SLC24A4: variants seen among roughly 807,000 people sequenced by gnomAD.
SLC24A4 encodes the protein sodium/potassium/calcium exchanger 4.
Under a neutral mutation model 79.0 loss-of-function variants are expected in SLC24A4, and 53 were observed. The ratio of observed to expected loss-of-function variants is 0.67; its 90% CI spans 0.54 to 0.84. The LOEUF (loss-of-function observed/expected upper bound fraction) is 0.84, where lower values mean the gene tolerates loss of function less well. Ranked by LOEUF, SLC24A4 falls within the 40% of genes least tolerant of loss-of-function variation. The pLI is 0.00. For synonymous variants in SLC24A4, 323 were observed against 323.8 expected (o/e 1.00, Z 0.03); for missense variants, 731 against 822.0 (o/e 0.89, Z 1.35).
chr14:92,333,407 T>G (rs1398839526), intron 2 of SLC24A4, among the ~76,000 whole-genome samples: 1 of 152,146 alleles, frequency 6.6e-6, no homozygotes, highest in East Asian at 1.9e-4. Flanking sequence ...ACTTCTGAGA[T>G]TGAATGTTTT....
chr14:92,407,884 TGTGTGTGTGTG>T (rs1890484771), intron 2 of SLC24A4, among the ~76,000 whole-genome samples: 1 of 151,506 alleles, frequency 6.6e-6, no homozygotes, highest in Non-Finnish European at 1.5e-5. Context: ...TGTGTGTGTG[TGTGTGTGTGTG>T]TGTGTATTTA....
chr14:92,493,665 C>G lies in SLC24A4; in HGVS notation c.*37C>G. The G allele has an allele frequency of 6.2e-7, 1 of 1,609,970 alleles. No homozygotes were observed. The highest frequency in any genetic ancestry group is 1.1e-5 in the South Asian group (1 of 90,536). ...GGCCCCTGGGAGCTGATCTGGACAC[C>G]CTGTGACACTGGCGTTCTCCTCTCC... On this transcript the variant is annotated 3_prime_UTR_variant, in exon 17 of 17. Transcript: ENST00000532405.
At chr14:92,375,554 A>G (rs1221706251) in intron 2 of SLC24A4, among the ~76,000 whole-genome samples, 1 of 152,268 alleles carries the variant, frequency 6.6e-6, no homozygotes, top group Non-Finnish European at 1.5e-5. Flanking sequence ...AACAATGTCC[A>G]AATGTCTATC....
At chr14:92,435,348 A>G (rs1181720268) in intron 3 of SLC24A4, among the ~76,000 whole-genome samples, 1 of 152,236 alleles carries the variant, frequency 6.6e-6, no homozygotes, top group Non-Finnish European at 1.5e-5. Flanking sequence ...ATAAAGTTTT[A>G]TTGGAACACA....
Position 92,495,355 on chromosome 14 carries a change from T to A in SLC24A4, c.*1727T>A, listed in dbSNP as rs576880184. On this transcript the variant is annotated 3_prime_UTR_variant, in exon 17 of 17. Transcript: ENST00000532405. ...TTTGGGATTCACATCAGTATTAGTA[T>A]CGTAGCTACACCAAGTTCAGGCTTC... 6 of 152,314 alleles carry A rather than the reference T, an allele frequency of 3.9e-5. No individual in the cohort carries two copies. The highest frequency in any genetic ancestry group is 4.1e-4 in the South Asian group (2 of 4,828). 9.4% of individuals were successfully genotyped at this position (152,314 alleles called of 1,614,324 possible). A position where few individuals can be genotyped will look rare whatever the true frequency, so the allele number is the denominator to read the frequency against.
Position 92,499,831 on chromosome 14 carries a change from T to G in SLC24A4, c.*6203T>G, listed in dbSNP as rs1896083200. The G allele has an allele frequency of 7.2e-6, 1 of 139,670 alleles. No homozygotes were observed. Among genetic ancestry groups the G allele is most frequent in the Non-Finnish European group, 1.5e-5 (1 of 65,414 alleles). 8.7% of individuals were successfully genotyped at this position (139,670 alleles called of 1,614,324 possible). ...CCTGCACCCGGCCCAAGCAGTTGCT[T>G]CTTTTTTTCTCTTTTTTTTTTTTTT... On this transcript the variant is annotated 3_prime_UTR_variant, in exon 17 of 17. Coordinates refer to ENST00000532405, the MANE Select transcript of SLC24A4 (RefSeq NM_153646.4).
At position 92,469,740 on chromosome 14, in the gene SLC24A4, G is replaced by A. The variant is rs530849186; in HGVS notation, c.1256-12940G>A. Among the ~76,000 whole-genome samples the A allele has an allele frequency of 2.3e-3, 349 of 152,272 alleles. 2 individuals carry two copies. Among genetic ancestry groups the A allele is most frequent in the African/African-American group, 8.2e-3 (340 of 41,548 alleles). On this transcript the variant is annotated intron_variant, in intron 12 of 16. Coordinates refer to ENST00000532405, the MANE Select transcript of SLC24A4 (RefSeq NM_153646.4). ...ATAGAATATTAGTCAGCCCTAAAAA[G>A]GAATGGCTTACTGATAGATGCTACA... is the stretch of plus-strand genomic sequence containing the variant.
At chr14:92,385,336 C>G (rs748463592) in intron 2 of SLC24A4, among the ~76,000 whole-genome samples, 1 of 152,056 alleles carries the variant, frequency 6.6e-6, no homozygotes, top group Non-Finnish European at 1.5e-5. Context: ...GAAACCCTGT[C>G]CCTACTAAAA....
chr14:92,475,728 G>A (rs181280928), intron 12 of SLC24A4, among the ~76,000 whole-genome samples: 104 of 152,274 alleles, frequency 6.8e-4, no homozygotes, highest in African/African-American at 2.3e-3. Context: ...TTTCCACACC[G>A]TGACCATGAC....
intron 2 of SLC24A4, among the ~76,000 whole-genome samples, chr14:92,342,363 C>CATTAATTAATTTATTTATTTATTT (rs377654077): frequency 7.3e-5 from 10 of 137,848 alleles, no homozygotes; most frequent in East Asian, 4.2e-4. Context: ...TTTTTTTCCC[C>CATTAATTAATTTATTTATTTATTT]ATTTATTTAT....
At chr14:92,455,867 G>A (rs374762702) in intron 11 of SLC24A4, among the ~76,000 whole-genome samples, 2 of 151,996 alleles carry the variant, frequency 1.3e-5, no homozygotes, top group African/African-American at 4.8e-5. Context: ...CGGCTGGCTA[G>A]TTTTTGTATT....
intron 8 of SLC24A4, 109 bp from the exon 9 acceptor site, chr14:92,447,262 C>CG (rs1892849016): frequency 1.1e-6 from 1 of 924,280 alleles, no homozygotes; most frequent in African/African-American, 1.6e-5. Context: ...GCACTAGGGG[C>CG]GGGGGAGGTA....
At chr14:92,485,433 C>G (rs954448685) in intron 13 of SLC24A4, among the ~76,000 whole-genome samples, 2 of 151,972 alleles carry the variant, frequency 1.3e-5, no homozygotes, top group Non-Finnish European at 2.9e-5. Flanking sequence ...CCACTGCACT[C>G]CAGCCTGGGC....
At chr14:92,412,975 A>G (rs1341998494) in intron 2 of SLC24A4, among the ~76,000 whole-genome samples, 1 of 152,222 alleles carries the variant, frequency 6.6e-6, no homozygotes, top group Non-Finnish European at 1.5e-5. Context: ...GTGAACATAA[A>G]TAAAGTTTTA....
chr14:92,482,880 A>C (rs921268488), intron 13 of SLC24A4, 34 bp downstream of exon 13: 28 of 1,583,620 alleles, frequency 1.8e-5, no homozygotes, highest in Non-Finnish European at 2.3e-5. Context: ...GACTGTGTGC[A>C]CAGCCAGGGA....
intron 8 of SLC24A4, among the ~76,000 whole-genome samples, chr14:92,446,177 T>TA (rs1892786746): frequency 6.7e-6 from 1 of 149,090 alleles, no homozygotes; most frequent in African/African-American, 2.5e-5. Flanking sequence ...GCATTCTATG[T>TA]TTTTTTTTTT....
chr14:92,385,063 A>T (rs1216933332), intron 2 of SLC24A4, among the ~76,000 whole-genome samples: 1 of 152,238 alleles, frequency 6.6e-6, no homozygotes, highest in Non-Finnish European at 1.5e-5. Context: ...ATGCCTGACA[A>T]ACAGCAAGCG....
intron 2 of SLC24A4, among the ~76,000 whole-genome samples, chr14:92,417,570 G>A (rs1028962396): frequency 6.6e-6 from 1 of 152,214 alleles, no homozygotes; most frequent in Non-Finnish European, 1.5e-5. Context: ...TTTGTCTACA[G>A]TAGTGAACAG....
At chr14:92,386,121 G>C (rs1161571692) in intron 2 of SLC24A4, among the ~76,000 whole-genome samples, 2 of 152,058 alleles carry the variant, frequency 1.3e-5, no homozygotes, top group African/African-American at 2.4e-5. Flanking sequence ...CCCATTCTTA[G>C]GAGTTTATTG....
Sources: gnomAD v4.1 joint callset for allele counts (sites outside exome capture counted in the v4.1 genomes callset) on GRCh38, gnomAD v4.1.1 for gene constraint, MANE v1.5 for transcripts, NCBI Gene and HGNC (gene_info 2026-07-23, HGNC 2026-07-21) for gene names.